CREB3L4: variants seen among roughly 807,000 people sequenced by gnomAD.
The protein encoded by CREB3L4 is cAMP responsive element binding protein 3 like 4, also known as cyclic AMP-responsive element-binding protein 3-like protein 4.
A neutral mutation model predicts 37.0 loss-of-function variants in CREB3L4; 28 were observed. That is an observed-to-expected ratio of 0.76 (90% CI 0.56 to 1.04). CREB3L4 has a LOEUF of 1.04. Ranked by LOEUF, CREB3L4 falls within the 50% of genes least tolerant of loss-of-function variation. The pLI, the probability that CREB3L4 is intolerant of heterozygous loss-of-function variation, is 0.00. For synonymous variants in CREB3L4, 175 were observed against 192.2 expected (o/e 0.91, Z 0.74); for missense variants, 462 against 486.0 (o/e 0.95, Z 0.46).
chr1:153,969,504 TCACA>T, intron 4 of CREB3L4, 49 bp downstream of exon 4: 1 of 1,599,048 alleles, frequency 6.3e-7, no homozygotes, highest in Non-Finnish European at 8.6e-7. Flanking sequence ...ACATATATAA[TCACA>T]CAGACAGAGC....
In CREB3L4 at chr1:153,972,972, G is replaced by A. The variant is rs761655314; in HGVS notation, c.637G>A (p.Ala213Thr). 3 of 1,614,032 alleles carry A rather than the reference G, an allele frequency of 1.9e-6. No individual in the cohort carries two copies. The highest frequency in any genetic ancestry group is 4.5e-5 in the East Asian group (2 of 44,890). The change falls in exon 6 of 10, where the codon GCA (alanine) becomes ACA (threonine). Residue 213 changes from alanine (A) to threonine (T), a missense_variant and splice_region_variant. Ala to Thr is a moderately conservative substitution (Grantham distance 58). Coordinates refer to ENST00000368607, the MANE Select transcript of CREB3L4 (RefSeq NM_001255978.2). ...SLPSHLPLTK[A>T]EERVLKKVRR... ...GACTCACACATCCTGGGCCTCCAAG[G>A]CAGAGGAGAGGGTCCTCAAGAAGGT...
rs767003785 is a variant in CREB3L4, at chr1:153,974,208, T to C, written c.*143T>C. ...TCAGGACACCCCAAGAGATGTCCTT[T>C]AGTCTCTGCCTGAGGCCTAGTCTGC... On this transcript the variant is annotated 3_prime_UTR_variant, in exon 10 of 10. Transcript: ENST00000368607. 4.3e-6 allele frequency: 3 copies of C among 694,504 alleles called. No homozygotes were observed. Among genetic ancestry groups the C allele is most frequent in the Non-Finnish European group, 7.2e-6 (3 of 419,046 alleles). 43.0% of individuals were successfully genotyped at this position (694,504 alleles called of 1,614,324 possible).
rs1557886332 is a variant in CREB3L4 at position 153,973,067 on chromosome 1, G to T, written c.732G>T (p.Gly244=). 1 of 1,614,150 alleles carries T rather than the reference G, an allele frequency of 6.2e-7. No homozygotes were observed. Among genetic ancestry groups the T allele is most frequent in the Non-Finnish European group, 8.5e-7 (1 of 1,179,996 alleles). ...SRRRKKEYID[G]LESRVAACSA... ...GGCGGAAGAAGGAGTACATTGATGG[G>T]CTGGAGAGCAGGTACGCCTGGGTTA... Residue 244 remains glycine, a synonymous_variant, in exon 6 of 10, where the codon GGG becomes GGT. Coordinates refer to ENST00000368607, the MANE Select transcript of CREB3L4 (RefSeq NM_001255978.2).
Position 153,969,060 on chromosome 1 carries a change from C to T in CREB3L4, c.305C>T (p.Pro102Leu), listed in dbSNP as rs145524837. The T allele has an allele frequency of 2.0e-3, 3,281 of 1,614,212 alleles. 10 individuals are homozygous for T. The Middle Eastern group carries it at 0.021, about 10-fold the overall frequency. ...GACCCCTGCCATCCAGACAGTCCCC[C>T]TGCCCCCAGGGCAACCAGTTCTCCT... Reference protein sequence around the residue: ...SEDPCHPDSPPAPRATSSPML... With the variant: ...SEDPCHPDSPLAPRATSSPML... Residue 102 changes from proline (P) to leucine (L), a missense_variant, in exon 3 of 10, where the codon CCT (proline) becomes CTT (leucine). By Grantham distance (98) the Pro-to-Leu change is moderately conservative. Coordinates refer to ENST00000368607, the MANE Select transcript of CREB3L4 (RefSeq NM_001255978.2).
chr1:153,972,616 C>G (rs768522443), intron 4 of CREB3L4, 128 bp from the exon 5 acceptor site: 1 of 682,570 alleles, frequency 1.5e-6, no homozygotes, highest in Non-Finnish European at 2.5e-6. Context: ...CACCTCACCT[C>G]TAGATTAAAG....
Position 153,973,198 on chromosome 1 carries a change from G to A in CREB3L4, c.747G>A (p.Val249=). ...GTCCTACCTCCCTACATTCTAGGGT[G>A]GCAGCCTGTTCTGCACAGAACCAAG... ...KEYIDGLESR[V]AACSAQNQEL... is the part of the protein sequence containing the mutation. The change falls in exon 7 of 10, where the codon GTG becomes GTA. Residue 249 remains valine, a synonymous_variant. Transcript: ENST00000368607. The A allele has an allele frequency of 6.2e-7, 1 of 1,614,038 alleles. No homozygotes were observed. Among genetic ancestry groups the A allele is most frequent in the Non-Finnish European group, 8.5e-7 (1 of 1,179,992 alleles).
intron 4 of CREB3L4, 31 bp from the exon 5 acceptor site, chr1:153,972,713 C>G (rs1320836277): frequency 1.3e-6 from 2 of 1,583,966 alleles, no homozygotes; most frequent in Non-Finnish European, 8.7e-7. Context: ...CTCCTCACTC[C>G]TATTGCATCT....
intron 2 of CREB3L4, 71 bp downstream of exon 2, chr1:153,968,770 T>C (rs1648035631): frequency 6.3e-7 from 1 of 1,591,502 alleles, no homozygotes; most frequent in Admixed American, 1.7e-5. Context: ...CAGCTCCCAC[T>C]TGGAGACAGG....
intron 1 of CREB3L4, 136 bp downstream of exon 1, chr1:153,968,300 C>T (rs1470063219): frequency 3.9e-6 from 2 of 511,394 alleles, no homozygotes; most frequent in Admixed American, 3.3e-5. Flanking sequence ...GGGCTGGGCT[C>T]TTCAGAACAG....
At position 153,973,927 on chromosome 1, in the gene CREB3L4, AG is replaced by A. The variant is rs1557887525; in HGVS notation, c.1051del (p.Val351TrpfsTer2). Reference sequence around the variant, plus strand: ...ACGTAACAGAAAATCTGGAGACCCAAGTGGTAGAGTCCAGACTGAGGGAGCC... The same window carrying A: ...ACGTAACAGAAAATCTGGAGACCCAATGGTAGAGTCCAGACTGAGGGAGCC... ...KDVTENLETQ[V>X]VESRLREPPG... is the part of the protein sequence containing the mutation. On this transcript the variant is annotated frameshift_variant, in exon 10 of 10. Coordinates refer to ENST00000368607, the MANE Select transcript of CREB3L4 (RefSeq NM_001255978.2). LOFTEE classifies it low-confidence loss of function (END_TRUNC). 6.2e-7 allele frequency: 1 copy of A among 1,614,182 alleles called. No individual in the cohort carries two copies. The highest frequency in any genetic ancestry group is 8.5e-7 in the Non-Finnish European group (1 of 1,180,034).
intron 5 of CREB3L4, 35 bp downstream of exon 5, chr1:153,972,871 G>A: frequency 1.2e-6 from 2 of 1,606,748 alleles, no homozygotes; most frequent in South Asian, 2.2e-5. Flanking sequence ...CCCAACCCAG[G>A]GGCCTCACCA....
rs779017588 is a variant in CREB3L4 at position 153,973,049 on chromosome 1, G to A, written c.714G>A (p.Lys238=). 2.5e-6 allele frequency: 4 copies of A among 1,614,184 alleles called. No individual in the cohort carries two copies. Among genetic ancestry groups the A allele is most frequent in the South Asian group, 1.1e-5 (1 of 91,084 alleles). ...KQSAQDSRRR[K]KEYIDGLESR... ...CAGCTCAGGACAGTCGGCGGCGGAAGAAGGAGTACATTGATGGGCTGGAGA... is the reference window on the plus strand; with the variant it reads ...CAGCTCAGGACAGTCGGCGGCGGAAAAAGGAGTACATTGATGGGCTGGAGA... The change falls in exon 6 of 10, where the codon AAG becomes AAA. Residue 238 remains lysine, a synonymous_variant. Coordinates refer to ENST00000368607, the MANE Select transcript of CREB3L4 (RefSeq NM_001255978.2).
rs1038291977 is a variant in CREB3L4, at chr1:153,968,037, T to C, written c.-132T>C. On this transcript the variant is annotated 5_prime_UTR_variant, in exon 1 of 10. Transcript: ENST00000368607. ...GAGACACCAAACCCTCAGGAAGATT[T>C]ACTATAGCTAAGAGAAAACTGCAGC... is the stretch of plus-strand genomic sequence containing the variant. 1 of 153,654 alleles carries C rather than the reference T, an allele frequency of 6.5e-6. No individual in the cohort carries two copies. The highest frequency in any genetic ancestry group is 2.4e-5 in the African/African-American group (1 of 41,426). 9.5% of individuals were successfully genotyped at this position (153,654 alleles called of 1,614,324 possible). A position where few individuals can be genotyped will look rare whatever the true frequency, so the allele number is the denominator to read the frequency against.
rs1648601988 is a variant in CREB3L4 at position 153,973,437 on chromosome 1, A to C, written c.870A>C (p.Lys290Asn). The part of the protein sequence containing the change: ...LQTLIAQTSN[K>N]AAQTSTCVLI... ...CGCTAATTGCTCAAACTTCCAACAA[A>C]GCTGCCCAGACCAGCACTTGTGTTT... is the stretch of plus-strand genomic sequence containing the variant. Residue 290 changes from lysine (K) to asparagine (N), a missense_variant, in exon 8 of 10, where the codon AAA becomes AAC. Lys to Asn is a moderately conservative substitution (Grantham distance 94, BLOSUM62 0). Transcript: ENST00000368607. The C allele has an allele frequency of 1.9e-6, 3 of 1,613,912 alleles. No individual in the cohort carries two copies. In the South Asian group the frequency reaches 3.3e-5, roughly 18 times the overall value.
Position 153,974,139 on chromosome 1 carries a change from T to G in CREB3L4, c.*74T>G. 1 of 1,434,992 alleles carries G rather than the reference T, an allele frequency of 7.0e-7. No individual in the cohort carries two copies. Among genetic ancestry groups the G allele is most frequent in the Non-Finnish European group, 9.5e-7 (1 of 1,047,720 alleles). The allele number at this position is 1,434,992 out of a possible 1,614,324, so 88.9% of individuals were successfully genotyped here. A position where few individuals can be genotyped will look rare whatever the true frequency, so the allele number is the denominator to read the frequency against. On this transcript the variant is annotated 3_prime_UTR_variant, in exon 10 of 10. Coordinates refer to ENST00000368607, the MANE Select transcript of CREB3L4 (RefSeq NM_001255978.2). ...GCTTCCTTATGGCTTTGCTTCCCAC[T>G]GGGATTCCTACTTAGGTGTCTGCCC...
chr1:153,972,330 G>A (rs1245252567), intron 4 of CREB3L4, among the ~76,000 whole-genome samples: 1 of 152,138 alleles, frequency 6.6e-6, no homozygotes, highest in Non-Finnish European at 1.5e-5. Context: ...ACGGGCAACT[G>A]GATAACACAC....
Position 153,974,039 on chromosome 1 carries a change from T to A in CREB3L4, c.1162T>A (p.Ser388Thr), listed in dbSNP as rs142604008. 335 of 1,613,918 alleles carry A rather than the reference T, an allele frequency of 2.1e-4. 1 individual carries two copies. In the African/African-American group the frequency reaches 3.7e-3, roughly 18 times the overall value. ...GCCAAGACCCAGTGGGCGCATCCGG[T>A]CCGTGCTGCATGCAGATGAGATGTG... ...GKPRPSGRIR[S>T]VLHADEM is the part of the protein sequence containing the mutation. Residue 388 changes from serine to threonine, a missense_variant, in exon 10 of 10, where the codon TCC (serine) becomes ACC (threonine). Transcript: ENST00000368607.
At chr1:153,972,338 C>T (rs1571115182) in intron 4 of CREB3L4, among the ~76,000 whole-genome samples, 1 of 152,194 alleles carries the variant, frequency 6.6e-6, no homozygotes, top group South Asian at 2.1e-4. Flanking sequence ...CTGGATAACA[C>T]ACTCTGCTAA....
Position 153,974,311 on chromosome 1 carries a change from G to T in CREB3L4, c.*246G>T, listed in dbSNP as rs1217717841. On this transcript the variant is annotated 3_prime_UTR_variant, in exon 10 of 10. Transcript: ENST00000368607. The stretch of plus-strand genomic sequence containing the variant: ...GATTTTATTTCTTCTTTGGGTATAG[G>T]GTTGAGGGGAAATAAGTTTTGAGTG... The T allele has an allele frequency of 8.5e-6, 4 of 472,674 alleles. No homozygotes were observed. The highest frequency in any genetic ancestry group is 1.5e-5 in the Non-Finnish European group (4 of 266,114). The allele number at this position is 472,674 out of a possible 1,614,324, so 29.3% of individuals were successfully genotyped here.
Sources: gnomAD v4.1 joint callset for allele counts (sites outside exome capture counted in the v4.1 genomes callset) on GRCh38, gnomAD v4.1.1 for gene constraint, MANE v1.5 for transcripts, NCBI Gene and HGNC (gene_info 2026-07-23, HGNC 2026-07-21) for gene names.